SLC39A11: variants seen among roughly 807,000 people sequenced by gnomAD.
The protein encoded by SLC39A11 is zinc transporter ZIP11.
SLC39A11 carries 33 observed loss-of-function variants against 36.1 expected under a neutral mutation model. That is an observed-to-expected ratio of 0.91 (90% CI 0.69 to 1.22). SLC39A11 has a LOEUF of 1.22. SLC39A11 is among the 50% of genes most tolerant of loss of function. The pLI is 0.00. For synonymous variants in SLC39A11, 166 were observed against 170.3 expected (o/e 0.97, Z 0.20); for missense variants, 432 against 430.3 (o/e 1.00, Z -0.03).
chr17:72,804,731 A>G (rs1159698392), intron 6 of SLC39A11, among the ~76,000 whole-genome samples: 2 of 152,166 alleles, frequency 1.3e-5, no homozygotes, highest in Non-Finnish European at 2.9e-5. Flanking sequence ...GGGGTAAACT[A>G]AATAATCTCC....
chr17:72,923,916 G>A lies in SLC39A11; in HGVS notation c.430+23836C>T, dbSNP rs547207772. ...TCCCAACACTCTGGGAGGCTGAGGCGGGCTGATCTTTTGAGCCCAGGAGTT... is the reference window on the plus strand; with the variant it reads ...TCCCAACACTCTGGGAGGCTGAGGCAGGCTGATCTTTTGAGCCCAGGAGTT... On this transcript the variant is annotated intron_variant, in intron 5 of 9. Coordinates refer to ENST00000255559, the MANE Select transcript of SLC39A11 (RefSeq NM_139177.4). 3.7e-4 allele frequency among the ~76,000 whole-genome samples: 57 copies of A among 152,084 alleles called. 1 individual carries two copies. The highest frequency in any genetic ancestry group is 5.5e-4 in the African/African-American group (23 of 41,468).
chr17:72,693,624 C>T (rs1477640369), intron 7 of SLC39A11, among the ~76,000 whole-genome samples: 1 of 152,222 alleles, frequency 6.6e-6, no homozygotes, highest in Non-Finnish European at 1.5e-5. Flanking sequence ...TCCAACAGCA[C>T]CTGAGACCCA....
intron 5 of SLC39A11, among the ~76,000 whole-genome samples, chr17:72,887,146 C>A (rs926669727): frequency 2.0e-5 from 3 of 152,180 alleles, no homozygotes; most frequent in African/African-American, 7.2e-5. Context: ...TTTGGGTACA[C>A]TGATGTCATC....
intron 6 of SLC39A11, among the ~76,000 whole-genome samples, chr17:72,818,340 T>C (rs1043227688): frequency 6.6e-6 from 1 of 152,148 alleles, no homozygotes; most frequent in Non-Finnish European, 1.5e-5. Context: ...CTCTTCTATC[T>C]TGTAGCTCCT....
intron 3 of SLC39A11, among the ~76,000 whole-genome samples, chr17:73,036,781 C>T (rs956411168): frequency 2.6e-5 from 4 of 152,146 alleles, no homozygotes; most frequent in Admixed American, 6.6e-5. Context: ...ACTCTTGGTG[C>T]TATACATTCC....
chr17:72,680,041 C>CAAAAAAAA (rs199650969), intron 7 of SLC39A11, among the ~76,000 whole-genome samples: 6 of 71,694 alleles, frequency 8.4e-5, no homozygotes, highest in African/African-American at 4.2e-4. Flanking sequence ...GACTCTGTCT[C>CAAAAAAAA]AAAAAAAAAA....
chr17:72,759,425 C>T (rs1427238744), intron 6 of SLC39A11, among the ~76,000 whole-genome samples: 1 of 152,154 alleles, frequency 6.6e-6, no homozygotes, highest in Admixed American at 6.5e-5. Context: ...ACTAGTAGAG[C>T]AGGAGAATAC....
intron 3 of SLC39A11, among the ~76,000 whole-genome samples, chr17:73,048,995 G>A (rs1285876631): frequency 6.6e-6 from 1 of 152,160 alleles, no homozygotes; most frequent in Non-Finnish European, 1.5e-5. Flanking sequence ...ACAAAGGGGT[G>A]TCATTCCCAG....
At chr17:72,817,610 A>G (rs1156881156) in intron 6 of SLC39A11, among the ~76,000 whole-genome samples, 1 of 152,210 alleles carries the variant, frequency 6.6e-6, no homozygotes, top group Non-Finnish European at 1.5e-5. Flanking sequence ...TGGCTATGAC[A>G]ACATCACTAA....
At position 72,900,111 on chromosome 17, in the gene SLC39A11, A is replaced by G. The variant is rs538596286; in HGVS notation, c.430+47641T>C. On this transcript the variant is annotated intron_variant, in intron 5 of 9. Coordinates refer to ENST00000255559, the MANE Select transcript of SLC39A11 (RefSeq NM_139177.4). ...GAGAAAGAGAAAAGAAAGAAAGAAAAAGAAAGAAAGAAAAGAAAGAAAGAA... is the reference window on the plus strand; with the variant it reads ...GAGAAAGAGAAAAGAAAGAAAGAAAGAGAAAGAAAGAAAAGAAAGAAAGAA... Among the ~76,000 whole-genome samples the G allele has an allele frequency of 3.7e-3, 435 of 117,292 alleles. 67 individuals carry two copies. The highest frequency in any genetic ancestry group is 0.019 in the African/African-American group (412 of 21,198). The allele number at this position is 117,292 out of a possible 152,430, so 76.9% of individuals were successfully genotyped here. A position where few individuals can be genotyped will look rare whatever the true frequency, so the allele number is the denominator to read the frequency against.
chr17:73,081,439 A>G (rs2144730900), intron 3 of SLC39A11, among the ~76,000 whole-genome samples: 2 of 152,186 alleles, frequency 1.3e-5, no homozygotes, highest in Middle Eastern at 6.8e-3. Flanking sequence ...CTAAAAGTAG[A>G]TCTACCATTG....
intron 6 of SLC39A11, among the ~76,000 whole-genome samples, chr17:72,826,051 G>A (rs1420842555): frequency 6.6e-6 from 1 of 152,228 alleles, no homozygotes; most frequent in East Asian, 1.9e-4. Flanking sequence ...GGAGGGGCCA[G>A]GGATGGAATG....
intron 5 of SLC39A11, among the ~76,000 whole-genome samples, chr17:72,928,287 A>G (rs965543920): frequency 1.3e-5 from 2 of 152,214 alleles, no homozygotes; most frequent in African/African-American, 4.8e-5. Context: ...GGCTCCATGA[A>G]GTATGAATGA....
At chr17:72,702,278 C>T in intron 7 of SLC39A11, among the ~76,000 whole-genome samples, 1 of 152,148 alleles carries the variant, frequency 6.6e-6, no homozygotes, top group East Asian at 1.9e-4. Context: ...GCACCTAGCA[C>T]AGTGGCTGGC....
chr17:73,090,117 C>A (rs2060876736), intron 1 of SLC39A11, among the ~76,000 whole-genome samples: 1 of 152,192 alleles, frequency 6.6e-6, no homozygotes, highest in South Asian at 2.1e-4. Flanking sequence ...TGTGAGGAGC[C>A]AGCAGCCCTG....
intron 7 of SLC39A11, among the ~76,000 whole-genome samples, chr17:72,726,523 A>AACAC (rs143785207): frequency 1.3e-5 from 2 of 151,510 alleles, no homozygotes; most frequent in Non-Finnish European, 2.9e-5. Flanking sequence ...CACACACACA[A>AACAC]ACACACACAC....
chr17:73,041,602 G>A (rs2059115248), intron 3 of SLC39A11, among the ~76,000 whole-genome samples: 1 of 152,238 alleles, frequency 6.6e-6, no homozygotes, highest in Non-Finnish European at 1.5e-5. Context: ...TTTATGTGCT[G>A]GAATGGGGGC....
At chr17:72,993,875 T>C (rs535203530) in intron 4 of SLC39A11, among the ~76,000 whole-genome samples, 1 of 152,222 alleles carries the variant, frequency 6.6e-6, no homozygotes, top group Admixed American at 6.5e-5. Context: ...TTTGGCTGTG[T>C]CCCCCACCCA....
chr17:72,724,212 A>G (rs562484886), intron 7 of SLC39A11, among the ~76,000 whole-genome samples: 1 of 152,216 alleles, frequency 6.6e-6, no homozygotes, highest in Non-Finnish European at 1.5e-5. Context: ...AGAGGGGGAT[A>G]AGAATTGCCC....
Sources: allele counts gnomAD v4.1 joint callset (sites outside exome capture counted in the v4.1 genomes callset), GRCh38; gene constraint gnomAD v4.1.1; transcripts MANE v1.5; gene names NCBI Gene and HGNC (gene_info 2026-07-23, HGNC 2026-07-21).